Variants in ELK3 observed in about 807,000 individuals in gnomAD.
ELK3 encodes ETS domain-containing protein Elk-3.
A neutral mutation model predicts 28.9 loss-of-function variants in ELK3; 10 were observed. The ratio of observed to expected loss-of-function variants is 0.35; its 90% CI spans 0.21 to 0.59. ELK3 has a LOEUF of 0.59. Among genes scored for constraint, ELK3 ranks in the 20% least tolerant of loss-of-function variants. The pLI, the probability that ELK3 is intolerant of heterozygous loss-of-function variation, is 0.82. For synonymous variants in ELK3, 272 were observed against 243.5 expected, an observed-to-expected ratio of 1.12 and a Z score of -1.09; for missense variants, 463 against 517.3, an observed-to-expected ratio of 0.90 and a Z score of 1.02.
intron 1 of ELK3, chr12:96,214,003 C>G (rs944126683): frequency 3.9e-5 from 6 of 152,184 alleles, no homozygotes; most frequent in African/African-American, 1.2e-4. Flanking sequence ...GGATTACAGA[C>G]ATGTAATCCG....
chr12:96,209,815 G>T (rs1951564573), intron 1 of ELK3, among the ~76,000 whole-genome samples: 1 of 152,028 alleles, frequency 6.6e-6, no homozygotes, highest in East Asian at 1.9e-4. Flanking sequence ...CTTTTAGTTT[G>T]ATAGTATGTA....
At chr12:96,201,719 ACTT>A (rs1421600041) in intron 1 of ELK3, among the ~76,000 whole-genome samples, 1 of 152,106 alleles carries the variant, frequency 6.6e-6, no homozygotes, top group Admixed American at 6.5e-5. Flanking sequence ...TGTGATATGA[ACTT>A]CTTGCTGTCA....
intron 4 of ELK3, among the ~76,000 whole-genome samples, chr12:96,266,079 A>G (rs925409244): frequency 2.6e-5 from 4 of 152,236 alleles, no homozygotes; most frequent in African/African-American, 7.2e-5. Flanking sequence ...AATGGGGACA[A>G]CAAAACTTAC....
rs1164301648 is a variant in ELK3, at chr12:96,254,249, C to T, written c.1003-5482C>T. On this transcript the variant is annotated intron_variant, in intron 3 of 4. Transcript: ENST00000228741. ...CTGAGGCAGGAGAATCGCTTGAACCCGGGAGGCAGAGGTTACAGTGAGCCA... is the reference window on the plus strand; with the variant it reads ...CTGAGGCAGGAGAATCGCTTGAACCTGGGAGGCAGAGGTTACAGTGAGCCA... Among the ~76,000 whole-genome samples the T allele has an allele frequency of 6.6e-5, 10 of 152,204 alleles. No individual in the cohort carries two copies. In the East Asian group the frequency reaches 9.6e-4, roughly 15 times the overall value.
rs780283462 is a variant in ELK3, at chr12:96,246,942, C to A, written c.210C>A (p.Asn70Lys). ...SRALRYYYDK[N>K]IIKKVIGQKF... ...AACGTCTACTTTTGTATTTGCAGAA[C>A]ATCATCAAGAAGGTGATCGGGCAGA... is the stretch of plus-strand genomic sequence containing the variant. Residue 70 changes from asparagine to lysine, a missense_variant and splice_region_variant, in exon 3 of 5, where the codon AAC (asparagine) becomes AAA (lysine). Physicochemically the swap from Asn to Lys is moderately conservative, Grantham distance 94. Coordinates refer to ENST00000228741, the MANE Select transcript of ELK3 (RefSeq NM_005230.4). 1 of 1,587,148 alleles carries A rather than the reference C, an allele frequency of 6.3e-7. No individual in the cohort carries two copies. Among genetic ancestry groups the A allele is most frequent in the Non-Finnish European group, 8.6e-7 (1 of 1,164,194 alleles).
intron 2 of ELK3, among the ~76,000 whole-genome samples, chr12:96,244,639 G>GA (rs146735165): frequency 0.045 from 6,822 of 152,002 alleles, 217 homozygotes; most frequent in Non-Finnish European, 0.068. Context: ...CTCGCTGAGG[G>GA]AAAAAAATAA....
At chr12:96,222,816 T>G (rs1420548870) in intron 1 of ELK3, 3 of 152,618 alleles carry the variant, frequency 2.0e-5, no homozygotes. Flanking sequence ...AGCGGTTTAA[T>G]GGGCTCACAG....
chr12:96,196,419 G>T (rs1252500729), intron 1 of ELK3, among the ~76,000 whole-genome samples: 2 of 21,826 alleles, frequency 9.2e-5, no homozygotes, highest in African/African-American at 4.0e-4. Context: ...TGTCTTTGGG[G>T]GTGGGGGGGG....
chr12:96,227,348 C>T (rs969639921), intron 2 of ELK3, among the ~76,000 whole-genome samples: 1 of 152,204 alleles, frequency 6.6e-6, no homozygotes. Context: ...CCCATCATCT[C>T]TTCTGTCCTT....
At chr12:96,228,416 CA>C (rs71091236) in intron 2 of ELK3, among the ~76,000 whole-genome samples, 7,173 of 67,056 alleles carry the variant, frequency 0.11, 112 homozygotes, top group East Asian at 0.3. Context: ...GACTCTGTGT[CA>C]AAAAAAAAAA....
chr12:96,229,506 T>C (rs1190733652), intron 2 of ELK3, among the ~76,000 whole-genome samples: 9 of 150,844 alleles, frequency 6.0e-5, no homozygotes, highest in Non-Finnish European at 1.3e-4. Context: ...CTCCCCATTC[T>C]GTGTGTCCAG....
intron 2 of ELK3, among the ~76,000 whole-genome samples, chr12:96,239,586 C>G (rs1951806489): frequency 6.6e-6 from 1 of 152,224 alleles, no homozygotes. Context: ...CTTGTCCTTT[C>G]TCTGTACTGG....
chr12:96,268,326 C>T lies in ELK3; in HGVS notation c.*1146C>T, dbSNP rs1052657671. 1.3e-5 allele frequency: 2 copies of T among 152,152 alleles called. No homozygotes were observed. Among genetic ancestry groups the T allele is most frequent in the South Asian group, 4.1e-4 (2 of 4,826 alleles). The allele number at this position is 152,152 out of a possible 1,614,324, so 9.4% of individuals were successfully genotyped here. On this transcript the variant is annotated 3_prime_UTR_variant, in exon 5 of 5. Transcript: ENST00000228741. ...GTGGAAACTGAGAGAGGATACACTG[C>T]TTTATGTATTACTAAAGTTAGGGGA...
intron 1 of ELK3, among the ~76,000 whole-genome samples, chr12:96,201,216 CA>C (rs1478369419): frequency 3.3e-5 from 5 of 151,932 alleles, no homozygotes; most frequent in Admixed American, 3.3e-4. Context: ...AATATTTAAC[CA>C]AAAGTAATAT....
chr12:96,235,986 C>T (rs562162392), intron 2 of ELK3, among the ~76,000 whole-genome samples: 7 of 152,166 alleles, frequency 4.6e-5, no homozygotes, highest in East Asian at 1.9e-4. Flanking sequence ...CCACCATACC[C>T]GGCTAATTTT....
intron 2 of ELK3, among the ~76,000 whole-genome samples, chr12:96,236,510 C>T (rs182438627): frequency 1.6e-3 from 237 of 152,324 alleles, no homozygotes; most frequent in Middle Eastern, 0.01. Context: ...CAGAGTTGGC[C>T]TGTTCAGAGA....
chr12:96,217,477 C>T (rs527646947), intron 1 of ELK3, among the ~76,000 whole-genome samples: 2 of 152,148 alleles, frequency 1.3e-5, no homozygotes, highest in African/African-American at 4.8e-5. Flanking sequence ...TTTCAATGTT[C>T]TTCTTCTATA....
intron 3 of ELK3, among the ~76,000 whole-genome samples, chr12:96,249,493 C>T (rs1304096117): frequency 1.3e-5 from 2 of 152,208 alleles, no homozygotes; most frequent in Non-Finnish European, 2.9e-5. Context: ...CCAAGGGCTG[C>T]TGAGCAAATG....
rs192739393 is a variant in ELK3 at position 96,218,557 on chromosome 12, C to T, written c.-2-5008C>T. ...GGTGGGTATGCTAGAAGCCCAATCC[C>T]CGCCATTATGCAGTATACCCATGTA... On this transcript the variant is annotated intron_variant, in intron 1 of 4. Transcript: ENST00000228741. Among the ~76,000 whole-genome samples the T allele has an allele frequency of 3.5e-3, 537 of 152,032 alleles. 1 individual carries two copies. Among genetic ancestry groups the T allele is most frequent in the Non-Finnish European group, 5.8e-3 (394 of 67,970 alleles).
Sources: gnomAD v4.1 joint callset for allele counts (sites outside exome capture counted in the v4.1 genomes callset) on GRCh38, gnomAD v4.1.1 for gene constraint, MANE v1.5 for transcripts, NCBI Gene and HGNC (gene_info 2026-07-23, HGNC 2026-07-21) for gene names.